RMND5B: variants seen among roughly 807,000 people sequenced by gnomAD.
RMND5B encodes E3 ubiquitin-protein transferase RMND5B.
RMND5B carries 42 observed loss-of-function variants against 50.4 expected under a neutral mutation model. The observed-to-expected ratio is 0.83, with a 90% confidence interval of 0.65 to 1.08. The LOEUF (loss-of-function observed/expected upper bound fraction) is 1.08, where lower values mean the gene tolerates loss of function less well. Ranked by LOEUF, RMND5B falls within the 50% of genes least tolerant of loss-of-function variation. RMND5B has a pLI of 0.00. For synonymous variants in RMND5B, 220 were observed against 210.0 expected (o/e 1.05, Z -0.41); for missense variants, 463 against 508.5 (o/e 0.91, Z 0.86).
At chr5:178,146,465 T>C in intron 8 of RMND5B, 186 bp downstream of exon 8, 2 of 600,680 alleles carry the variant, frequency 3.3e-6, no homozygotes, top group South Asian at 2.2e-5. Flanking sequence ...GGAAGAGTTA[T>C]GGCCCGAGGT....
chr5:178,142,421 T>TAAA (rs1758992218), intron 3 of RMND5B, 162 bp from the exon 4 acceptor site: 2 of 813,062 alleles, frequency 2.5e-6, no homozygotes, highest in Non-Finnish European at 4.0e-6. Flanking sequence ...GTCAGACAGT[T>TAAA]AAAAAGTGGC....
chr5:178,131,616 C>T (rs2113362299), intron 2 of RMND5B, among the ~76,000 whole-genome samples: 1 of 147,516 alleles, frequency 6.8e-6, no homozygotes, highest in African/African-American at 2.5e-5. Flanking sequence ...GACACGGTAA[C>T]TGGTGTGAGG....
At chr5:178,139,054 A>C (rs1294665453) in intron 3 of RMND5B, among the ~76,000 whole-genome samples, 2 of 152,166 alleles carry the variant, frequency 1.3e-5, no homozygotes, top group Non-Finnish European at 2.9e-5. Context: ...TACAAAAATT[A>C]GCTGGGCATG....
chr5:178,138,310 G>C lies in RMND5B; in HGVS notation c.139+52G>C, dbSNP rs745862273. 6.3e-7 allele frequency: 1 copy of C among 1,595,266 alleles called. No homozygotes were observed. Among genetic ancestry groups the C allele is most frequent in the South Asian group, 1.1e-5 (1 of 88,512 alleles). ...TGCGACAGCCTCCCTGAGGACATGG[G>C]AGACCCGAAGCTACTGAGTGACAGG... On this transcript the variant is annotated intron_variant, in intron 3 of 10. Coordinates refer to ENST00000313386, the MANE Select transcript of RMND5B (RefSeq NM_022762.5). The surrounding 1 kb of genome is among the most constrained non-coding windows in gnomAD (Gnocchi z 5.1).
intron 3 of RMND5B, among the ~76,000 whole-genome samples, chr5:178,139,111 G>A (rs924883980): frequency 6.6e-6 from 1 of 152,036 alleles, no homozygotes; most frequent in Non-Finnish European, 1.5e-5. Context: ...ACTCCAACCT[G>A]GGCAACAGAG....
chr5:178,144,343 C>T (rs1287161761), intron 7 of RMND5B, among the ~76,000 whole-genome samples: 2 of 152,134 alleles, frequency 1.3e-5, no homozygotes, highest in Non-Finnish European at 2.9e-5. Flanking sequence ...CCAGGGTCCT[C>T]GTGCCTGCTA....
chr5:178,139,565 T>G (rs373597923), intron 3 of RMND5B, among the ~76,000 whole-genome samples: 1 of 142,712 alleles, frequency 7.0e-6, no homozygotes, highest in East Asian at 2.1e-4. Context: ...TTTTTTGATA[T>G]AGAGTTTTGC....
chr5:178,131,803 A>G (rs374536830), intron 2 of RMND5B, among the ~76,000 whole-genome samples: 3 of 152,178 alleles, frequency 2.0e-5, no homozygotes, highest in South Asian at 2.1e-4. Context: ...CTGAGAGTAT[A>G]GTCAAGGAAC....
In RMND5B at chr5:178,142,592, G is replaced by A; in HGVS notation, c.149G>A (p.Gly50Glu). ...TCCACTTTCTCTGCAGCCCTCCAGG[G>A]GACCCCTCTCTCAGCCACCCTCTCT... ...RAELASAALQGTPLSATLSLV... is the reference protein window; with the variant it reads ...RAELASAALQETPLSATLSLV... The change falls in exon 4 of 11, where the codon GGG becomes GAG. Residue 50 changes from glycine (G) to glutamate (E), a missense_variant. By Grantham distance (98) the Gly-to-Glu change is moderately conservative. Transcript: ENST00000313386. 6.2e-7 allele frequency: 1 copy of A among 1,612,092 alleles called. No individual in the cohort carries two copies.
rs372959618 is a variant in RMND5B, at chr5:178,138,306, A to T, written c.139+48A>T. On this transcript the variant is annotated intron_variant, in intron 3 of 10. Transcript: ENST00000313386. The surrounding 1 kb of genome is among the most constrained non-coding windows in gnomAD (Gnocchi z 5.1). ...GCCCTGCGACAGCCTCCCTGAGGAC[A>T]TGGGAGACCCGAAGCTACTGAGTGA... The T allele has an allele frequency of 1.2e-5, 19 of 1,599,604 alleles. No individual in the cohort carries two copies. The African/African-American group carries it at 2.3e-4, about 19-fold the overall frequency.
intron 2 of RMND5B, among the ~76,000 whole-genome samples, chr5:178,131,903 GTC>G (rs1758330853): frequency 6.6e-6 from 1 of 151,970 alleles, no homozygotes; most frequent in African/African-American, 2.4e-5. Context: ...GTCACATAGA[GTC>G]TGTAGGTCAG....
chr5:178,148,428 A>G lies in RMND5B; in HGVS notation c.*396A>G. 1 of 304,838 alleles carries G rather than the reference A, an allele frequency of 3.3e-6. No homozygotes were observed. The highest frequency in any genetic ancestry group is 2.2e-5 in the African/African-American group (1 of 46,448). 18.9% of individuals were successfully genotyped at this position (304,838 alleles called of 1,614,324 possible). On this transcript the variant is annotated 3_prime_UTR_variant, in exon 11 of 11. Transcript: ENST00000313386. ...ATGTCCACCCTTGCCCCTCGGCCCA[A>G]GAGTGTCCAGCGGTGGCCCACCTCT...
At chr5:178,145,995 A>T in intron 7 of RMND5B, 119 bp from the exon 8 acceptor site, 1 of 1,028,644 alleles carries the variant, frequency 9.7e-7, no homozygotes, top group Non-Finnish European at 1.4e-6. Flanking sequence ...CAGTCTCCTC[A>T]GGGGCTTGGG....
In RMND5B at chr5:178,149,376, AG is replaced by A. The variant is rs1345932208; in HGVS notation, c.*1346del. On this transcript the variant is annotated 3_prime_UTR_variant, in exon 11 of 11. Coordinates refer to ENST00000313386, the MANE Select transcript of RMND5B (RefSeq NM_022762.5). ...TCTGAGTCCTTTGGGCTCTCTGCTGAGGAAGACTGCTTCACTCTTCCCGCCC... is the reference window on the plus strand; with the variant it reads ...TCTGAGTCCTTTGGGCTCTCTGCTGAGAAGACTGCTTCACTCTTCCCGCCC... The A allele has an allele frequency of 3.0e-6, 1 of 334,046 alleles. No individual in the cohort carries two copies. Among genetic ancestry groups the A allele is most frequent in the African/African-American group, 2.2e-5 (1 of 46,392 alleles). 20.7% of individuals were successfully genotyped at this position (334,046 alleles called of 1,614,324 possible).
Position 178,149,607 on chromosome 5 carries a change from G to T in RMND5B, c.*1575G>T. 2.0e-6 allele frequency: 3 copies of T among 1,484,660 alleles called. No homozygotes were observed. The highest frequency in any genetic ancestry group is 2.8e-6 in the Non-Finnish European group (3 of 1,076,604). 92.0% of individuals were successfully genotyped at this position (1,484,660 alleles called of 1,614,324 possible). On this transcript the variant is annotated 3_prime_UTR_variant, in exon 11 of 11. Coordinates refer to ENST00000313386, the MANE Select transcript of RMND5B (RefSeq NM_022762.5). ...GCCTGGGAAGAAGGCGTGCCTTGGG[G>T]AACTGGGAAGATGCCGTCAGTGTGG...
intron 8 of RMND5B, 35 bp from the exon 9 acceptor site, chr5:178,147,498 T>C (rs1158021913): frequency 6.3e-7 from 1 of 1,585,296 alleles, no homozygotes; most frequent in Non-Finnish European, 8.6e-7. Context: ...TCTGCTGTGA[T>C]CTGAGCCACT....
rs1420303450 is a variant in RMND5B at position 178,133,114 on chromosome 5, C to T, written c.-13+1738C>T. On this transcript the variant is annotated intron_variant, in intron 2 of 10. Transcript: ENST00000313386. ...TCCTGACCTTGTGATCCGCCTGCCT[C>T]GGCCTCCCAAAGTGCTGGGATTACA... Among the ~76,000 whole-genome samples the T allele has an allele frequency of 3.9e-5, 6 of 152,066 alleles. 1 individual carries two copies. The South Asian group carries it at 6.2e-4, about 16-fold the overall frequency.
chr5:178,142,842 CCTT>C lies in RMND5B; in HGVS notation c.286-8_286-6del, dbSNP rs768114188. On this transcript the variant is annotated splice_region_variant and splice_polypyrimidine_tract_variant and intron_variant, in intron 4 of 10. Coordinates refer to ENST00000313386, the MANE Select transcript of RMND5B (RefSeq NM_022762.5). ...CGCATCACCAGGCCCTGTCTCTCCT[CCTT>C]CGTCAGAACTTCGACTCTGAGATCT... 572 of 1,614,234 alleles carry C rather than the reference CCTT, an allele frequency of 3.5e-4. 1 individual carries two copies. The Middle Eastern group carries it at 5.6e-3, about 16-fold the overall frequency.
intron 7 of RMND5B, 42 bp downstream of exon 7, chr5:178,144,150 A>C: frequency 6.3e-7 from 1 of 1,596,728 alleles, no homozygotes; most frequent in South Asian, 1.1e-5. Flanking sequence ...CTGGCCTGAC[A>C]CATGTCTGGA....
Sources: gnomAD v4.1 joint callset for allele counts (sites outside exome capture counted in the v4.1 genomes callset) on GRCh38, gnomAD v4.1.1 for gene constraint, Gnocchi (gnomAD v3.1) non-coding constraint, MANE v1.5 for transcripts, NCBI Gene and HGNC (gene_info 2026-07-23, HGNC 2026-07-21) for gene names.